Variants in TARBP1 observed in about 807,000 individuals in gnomAD.
TARBP1 encodes the protein tRNA guanosine 2 -O-methyltransferase TARBP1.
Under a neutral mutation model 178.6 loss-of-function variants are expected in TARBP1, and 144 were observed. The ratio of observed to expected loss-of-function variants is 0.81; its 90% CI spans 0.70 to 0.93. The LOEUF is 0.93. Ranked by LOEUF, TARBP1 falls within the 40% of genes least tolerant of loss-of-function variation. TARBP1 has a pLI of 0.00. For synonymous variants in TARBP1, 787 were observed against 781.0 expected, an observed-to-expected ratio of 1.01 and a Z score of -0.13; for missense variants, 2,067 against 2,011.7, an observed-to-expected ratio of 1.03 and a Z score of -0.53.
At chr1:234,455,870 C>A (rs1667220682) in intron 9 of TARBP1, among the ~76,000 whole-genome samples, 2 of 151,480 alleles carry the variant, frequency 1.3e-5, no homozygotes, top group Admixed American at 6.6e-5. Flanking sequence ...CACTAAAATC[C>A]CAAAACAAAA....
In TARBP1 at chr1:234,438,648, T is replaced by C. The variant is rs372217712; in HGVS notation, c.2135-1276A>G. Reference sequence around the variant, plus strand: ...GCAGAACTAGACATCTGTGGGATAATAACAACGATCTTATTTTTTCAAGCC... The same window carrying C: ...GCAGAACTAGACATCTGTGGGATAACAACAACGATCTTATTTTTTCAAGCC... On this transcript the variant is annotated intron_variant, in intron 12 of 29. Coordinates refer to ENST00000040877, the MANE Select transcript of TARBP1 (RefSeq NM_005646.4). Among the ~76,000 whole-genome samples, 15 of 152,182 alleles carry C rather than the reference T, an allele frequency of 9.9e-5. No individual in the cohort carries two copies. In the East Asian group the frequency reaches 2.5e-3, roughly 25 times the overall value.
At chr1:234,418,575 A>G (rs910115577) in intron 21 of TARBP1, among the ~76,000 whole-genome samples, 4 of 152,246 alleles carry the variant, frequency 2.6e-5, no homozygotes, top group Non-Finnish European at 5.9e-5. Flanking sequence ...AGATCTGCCA[A>G]GATGCCAGGG....
At chr1:234,398,359 A>G (rs1343682830) in intron 26 of TARBP1, 23 bp downstream of exon 26, 4 of 1,555,478 alleles carry the variant, frequency 2.6e-6, no homozygotes, top group Non-Finnish European at 3.5e-6. Context: ...AGGGGAAAAA[A>G]TAAAATGAAA....
At chr1:234,455,487 A>G (rs1200493009) in intron 9 of TARBP1, among the ~76,000 whole-genome samples, 1 of 152,244 alleles carries the variant, frequency 6.6e-6, no homozygotes, top group South Asian at 2.1e-4. Context: ...ACAAAATACT[A>G]TGCAAGCTTT....
intron 17 of TARBP1, 70 bp from the exon 18 acceptor site, chr1:234,427,836 T>C: frequency 1.8e-6 from 2 of 1,126,518 alleles, no homozygotes; most frequent in Admixed American, 3.2e-5. Flanking sequence ...CTAAAAACTG[T>C]TACTTAGTTT....
chr1:234,412,659 A>C (rs938196528), intron 22 of TARBP1, among the ~76,000 whole-genome samples: 2 of 152,160 alleles, frequency 1.3e-5, no homozygotes, highest in Admixed American at 6.5e-5. Context: ...CTCAAAAATA[A>C]ATAAAGAAGA....
Position 234,404,797 on chromosome 1 carries a change from T to G in TARBP1, c.3989+1106A>C, listed in dbSNP as rs12126857. 4.7e-3 allele frequency among the ~76,000 whole-genome samples: 711 copies of G among 152,314 alleles called. 6 individuals are homozygous for G. The highest frequency in any genetic ancestry group is 5.2e-3 in the Non-Finnish European group (353 of 68,018). On this transcript the variant is annotated intron_variant, in intron 24 of 29. Coordinates refer to ENST00000040877, the MANE Select transcript of TARBP1 (RefSeq NM_005646.4). ...CTTTTTCTCCTGCTACTCCCCTGTT[T>G]TATTTCATGCTATTTACTTTTTTCT...
intron 22 of TARBP1, among the ~76,000 whole-genome samples, chr1:234,411,087 A>G (rs1661767109): frequency 6.6e-6 from 1 of 152,198 alleles, no homozygotes; most frequent in Non-Finnish European, 1.5e-5. Context: ...AACATAAAAT[A>G]AAGTACAGTG....
intron 14 of TARBP1, among the ~76,000 whole-genome samples, chr1:234,432,204 G>A (rs1664509111): frequency 6.6e-6 from 1 of 151,252 alleles, no homozygotes; most frequent in Non-Finnish European, 1.5e-5. Context: ...AACTTCAGGA[G>A]GCTGAGGCAG....
chr1:234,452,322 A>G (rs4920249), intron 9 of TARBP1, among the ~76,000 whole-genome samples: 46,086 of 152,084 alleles, frequency 0.3, 7,197 homozygotes, highest in Admixed American at 0.41. Context: ...TGCAAAACAC[A>G]TATCTGATAA....
Position 234,465,710 on chromosome 1 carries a change from T to TAAAAAAAAAA in TARBP1, c.1249-12_1249-3dup. On this transcript the variant is annotated splice_polypyrimidine_tract_variant and splice_region_variant and intron_variant, in intron 4 of 29. Transcript: ENST00000040877. ...ATCCATTAATGGTCCAATAATAAACTAAAAAAAAAAAAAAAAAAAGACACG... is the reference window on the plus strand; with the variant it reads ...ATCCATTAATGGTCCAATAATAAACTAAAAAAAAAAAAAAAAAAAAAAAAAAAAAGACACG... 2.4e-6 allele frequency: 3 copies of TAAAAAAAAAA among 1,270,750 alleles called. No homozygotes were observed. Among genetic ancestry groups the TAAAAAAAAAA allele is most frequent in the South Asian group, 3.5e-5 (2 of 57,366 alleles). The allele number at this position is 1,270,750 out of a possible 1,614,324, so 78.7% of individuals were successfully genotyped here.
At chr1:234,414,731 T>G (rs1422123498) in intron 22 of TARBP1, among the ~76,000 whole-genome samples, 1 of 152,096 alleles carries the variant, frequency 6.6e-6, no homozygotes, top group Admixed American at 6.6e-5. Context: ...ATGCCTGTAA[T>G]CCCAGCACTT....
chr1:234,427,129 C>T (rs899659529), intron 19 of TARBP1, among the ~76,000 whole-genome samples, 188 bp downstream of exon 19: 1 of 152,098 alleles, frequency 6.6e-6, no homozygotes, highest in South Asian at 2.1e-4. Context: ...CTAGTGAATA[C>T]TGAAAGATGT....
chr1:234,392,484 C>T lies in TARBP1; in HGVS notation c.4629G>A (p.Val1543=). 1 of 1,614,088 alleles carries T rather than the reference C, an allele frequency of 6.2e-7. No individual in the cohort carries two copies. Among genetic ancestry groups the T allele is most frequent in the South Asian group, 1.1e-5 (1 of 91,080 alleles). ...KKTEGYTIIG[V]EQTAKSLDLT... Reference sequence around the variant, plus strand: ...GGTCTAAACTTTTGGCAGTTTGTTCCACTCCAATGATGGTATAACCTTCTG... The same window carrying T: ...GGTCTAAACTTTTGGCAGTTTGTTCTACTCCAATGATGGTATAACCTTCTG... The change falls in exon 29 of 30, where the codon GTG becomes GTA. Residue 1543 remains valine, a synonymous_variant. Coordinates refer to ENST00000040877, the MANE Select transcript of TARBP1 (RefSeq NM_005646.4).
In TARBP1 at chr1:234,418,157, A is replaced by T; in HGVS notation, c.3632T>A (p.Ile1211Lys). ...AAGAATCAATATAATAATCCATTCT[A>T]TAAAATATTTTATGGATGCTTGATT... ...TNNQASIKYF[I>K]EWIIILILHK... The change falls in exon 22 of 30, where the codon ATA (isoleucine) becomes AAA (lysine). Residue 1211 changes from isoleucine to lysine, a missense_variant. Ile to Lys is a moderately radical substitution (Grantham distance 102, BLOSUM62 -3). Transcript: ENST00000040877. 1 of 1,545,606 alleles carries T rather than the reference A, an allele frequency of 6.5e-7. No homozygotes were observed. The highest frequency in any genetic ancestry group is 1.4e-5 in the African/African-American group (1 of 71,088).
At chr1:234,404,854 AT>A (rs1250979980) in intron 24 of TARBP1, among the ~76,000 whole-genome samples, 1 of 152,184 alleles carries the variant, frequency 6.6e-6, no homozygotes, top group Non-Finnish European at 1.5e-5. Flanking sequence ...TTTATCAAAT[AT>A]CTTTCTCCCA....
At chr1:234,471,311 T>C in intron 2 of TARBP1, 54 bp from the exon 3 acceptor site, 1 of 1,162,408 alleles carries the variant, frequency 8.6e-7, no homozygotes, top group Non-Finnish European at 1.2e-6. Context: ...TTGAAAAATG[T>C]CAGGCAATTT....
At chr1:234,442,779 C>G (rs963203443) in intron 12 of TARBP1, among the ~76,000 whole-genome samples, 1 of 152,098 alleles carries the variant, frequency 6.6e-6, no homozygotes, top group Admixed American at 6.5e-5. Flanking sequence ...AAAGCTTAGG[C>G]CTTGGAGAAG....
chr1:234,429,715 C>T, intron 15 of TARBP1, 38 bp from the exon 16 acceptor site: 1 of 1,545,182 alleles, frequency 6.5e-7, no homozygotes, highest in Non-Finnish European at 8.7e-7. Flanking sequence ...CATACTTCCC[C>T]AATTTGCCTC....
Sources: gnomAD v4.1 joint callset for allele counts (sites outside exome capture counted in the v4.1 genomes callset) on GRCh38, gnomAD v4.1.1 for gene constraint, MANE v1.5 for transcripts, NCBI Gene and HGNC (gene_info 2026-07-23, HGNC 2026-07-21) for gene names.